The following FBXW7 variants were observed in gnomAD, a reference collection of about 807,000 sequenced individuals.
The protein encoded by FBXW7 is F-box/WD repeat-containing protein 7.
A neutral mutation model predicts 86.3 loss-of-function variants in FBXW7; 11 were observed. The ratio of observed to expected loss-of-function variants is 0.13; its 90% CI spans 0.08 to 0.21. FBXW7 has a LOEUF of 0.21. FBXW7 is among the 10% of genes least tolerant of loss of function. The pLI, the probability that FBXW7 is intolerant of heterozygous loss-of-function variation, is 1.00. For missense variants in FBXW7, 488 were observed against 847.4 expected, an observed-to-expected ratio of 0.58 and a Z score of 5.27; for synonymous variants, 313 against 297.9, an observed-to-expected ratio of 1.05 and a Z score of -0.52.
At position 152,324,414 on chromosome 4, in the gene FBXW7, TTAGAA is replaced by T. The variant is rs1728816646; in HGVS notation, c.1645-25_1645-21del. The T allele has an allele frequency of 6.5e-7, 1 of 1,544,542 alleles. No homozygotes were observed. Among genetic ancestry groups the T allele is most frequent in the Non-Finnish European group, 8.8e-7 (1 of 1,135,814 alleles). On this transcript the variant is annotated intron_variant, in intron 12 of 13. Transcript: ENST00000281708. Reference sequence around the variant, plus strand: ...ATCAAACTACAAAAGACACAGTTTATTAGAATAGAAGTATGGATACTCTTCCTATC... The same window carrying T: ...ATCAAACTACAAAAGACACAGTTTATTAGAAGTATGGATACTCTTCCTATC...
chr4:152,533,938 C>A (rs1750235038), intron 2 of FBXW7, among the ~76,000 whole-genome samples: 1 of 152,186 alleles, frequency 6.6e-6, no homozygotes, highest in South Asian at 2.1e-4. Context: ...ACAGAACGAG[C>A]CCACAGTTGT....
chr4:152,322,770 C>A lies in FBXW7; in HGVS notation c.*111G>T, dbSNP rs924231438. 2.1e-5 allele frequency: 32 copies of A among 1,508,492 alleles called. No homozygotes were observed. The highest frequency in any genetic ancestry group is 2.1e-4 in the Middle Eastern group (1 of 4,874). The allele number at this position is 1,508,492 out of a possible 1,614,324, so 93.4% of individuals were successfully genotyped here. On this transcript the variant is annotated 3_prime_UTR_variant, in exon 14 of 14. Transcript: ENST00000281708. ...TGTTGCCCCAAGCCAACATCCTGCA[C>A]CACTGAGAACAAGGGATTTTTTTCT...
At chr4:152,481,019 A>G (rs1463431050) in intron 2 of FBXW7, among the ~76,000 whole-genome samples, 1 of 152,226 alleles carries the variant, frequency 6.6e-6, no homozygotes, top group Non-Finnish European at 1.5e-5. Context: ...GAGATGAAAT[A>G]ACTCTCTACT....
At chr4:152,353,530 C>G (rs939168026) in intron 4 of FBXW7, among the ~76,000 whole-genome samples, 2 of 152,060 alleles carry the variant, frequency 1.3e-5, no homozygotes, top group Non-Finnish European at 2.9e-5. Flanking sequence ...CTAGTACTAC[C>G]TAAGTGTGTA....
At chr4:152,420,388 A>G (rs1459997677) in intron 2 of FBXW7, among the ~76,000 whole-genome samples, 1 of 152,104 alleles carries the variant, frequency 6.6e-6, no homozygotes, top group Non-Finnish European at 1.5e-5. Flanking sequence ...CCATGGGGGT[A>G]GAATCAATTT....
At chr4:152,466,325 GCAGGTGGT>G (rs1243928532) in intron 2 of FBXW7, among the ~76,000 whole-genome samples, 1 of 152,238 alleles carries the variant, frequency 6.6e-6, no homozygotes, top group East Asian at 1.9e-4. Context: ...GGAGGCAGAG[GCAGGTGGT>G]CACCTGAGGT....
At chr4:152,483,355 G>C (rs764724270) in intron 2 of FBXW7, among the ~76,000 whole-genome samples, 1 of 151,080 alleles carries the variant, frequency 6.6e-6, no homozygotes, top group African/African-American at 2.4e-5. Flanking sequence ...CATTGTAATA[G>C]AGTCAAATCT....
chr4:152,336,142 T>C (rs182410224), intron 7 of FBXW7, among the ~76,000 whole-genome samples: 2 of 152,220 alleles, frequency 1.3e-5, no homozygotes, highest in East Asian at 3.9e-4. Context: ...TTTTTTTTTC[T>C]GGTAGTTGAA....
intron 2 of FBXW7, chr4:152,489,458 T>C (rs1354636112): frequency 1.3e-5 from 2 of 152,744 alleles, no homozygotes; most frequent in African/African-American, 4.8e-5. Flanking sequence ...ACATTCATAC[T>C]CAGTATAACT....
chr4:152,343,053 C>T (rs1004303480), intron 6 of FBXW7, among the ~76,000 whole-genome samples: 5 of 152,130 alleles, frequency 3.3e-5, no homozygotes, highest in South Asian at 2.1e-4. Context: ...AGAACATGTA[C>T]AATTTCTAAG....
chr4:152,340,734 T>C (rs1662186744), intron 6 of FBXW7, among the ~76,000 whole-genome samples: 1 of 152,158 alleles, frequency 6.6e-6, no homozygotes, highest in African/African-American at 2.4e-5. Context: ...TAAAAACAGC[T>C]TTCCTCTCTC....
chr4:152,444,608 AC>A (rs764451843), intron 2 of FBXW7, among the ~76,000 whole-genome samples: 89 of 152,316 alleles, frequency 5.8e-4, no homozygotes, highest in Non-Finnish European at 1.1e-3. Flanking sequence ...TGGTTTGTAA[AC>A]AAATTCTTAA....
chr4:152,450,815 A>G (rs1180089114), intron 2 of FBXW7, among the ~76,000 whole-genome samples: 1 of 152,236 alleles, frequency 6.6e-6, no homozygotes, highest in African/African-American at 2.4e-5. Context: ...CTTACTAGCT[A>G]TTCAGTCTGC....
intron 4 of FBXW7, chr4:152,353,032 T>C: frequency 1.0e-5 from 12 of 1,184,946 alleles, no homozygotes; most frequent in Non-Finnish European, 1.2e-5. Context: ...CTCTCCCCTT[T>C]CAAACTTTCA....
chr4:152,356,427 C>T (rs1732393273), intron 4 of FBXW7, among the ~76,000 whole-genome samples: 1 of 152,058 alleles, frequency 6.6e-6, no homozygotes, highest in Non-Finnish European at 1.5e-5. Context: ...CTTTACCTTG[C>T]TAACATTTAA....
chr4:152,523,443 T>C (rs1236862193), intron 2 of FBXW7, among the ~76,000 whole-genome samples: 2 of 152,328 alleles, frequency 1.3e-5, no homozygotes, highest in East Asian at 1.9e-4. Flanking sequence ...AAGATGCTTC[T>C]AGTATCCCCT....
At chr4:152,532,569 G>A (rs554570220) in intron 2 of FBXW7, among the ~76,000 whole-genome samples, 1 of 152,280 alleles carries the variant, frequency 6.6e-6, no homozygotes, top group African/African-American at 2.4e-5. Context: ...AATTCCAAAA[G>A]TCTTAAATAT....
chr4:152,414,976 G>C (rs1336861826), intron 2 of FBXW7, among the ~76,000 whole-genome samples: 4 of 152,092 alleles, frequency 2.6e-5, no homozygotes, highest in Non-Finnish European at 5.9e-5. Context: ...CTACCTTGGG[G>C]GAGGGGGGTG....
chr4:152,408,881 C>A (rs1183306092), intron 4 of FBXW7, among the ~76,000 whole-genome samples: 1 of 152,148 alleles, frequency 6.6e-6, no homozygotes, highest in Non-Finnish European at 1.5e-5. Context: ...ATCTTTCAAA[C>A]AGTGTGAGCT....
Sources: gnomAD v4.1 joint callset for allele counts (sites outside exome capture counted in the v4.1 genomes callset) on GRCh38, gnomAD v4.1.1 for gene constraint, MANE v1.5 for transcripts, NCBI Gene and HGNC (gene_info 2026-07-23, HGNC 2026-07-21) for gene names.